Variants in DOCK2 observed in about 807,000 individuals in gnomAD.
DOCK2 encodes dedicator of cytokinesis protein 2.
DOCK2 carries 87 observed loss-of-function variants against 248.9 expected under a neutral mutation model. The ratio of observed to expected loss-of-function variants is 0.35; its 90% CI spans 0.29 to 0.42. DOCK2 has a LOEUF of 0.42. Among genes scored for constraint, DOCK2 ranks in the 10% least tolerant of loss-of-function variants. The pLI, the probability that DOCK2 is intolerant of heterozygous loss-of-function variation, is 1.00. For synonymous variants in DOCK2, 805 were observed against 821.6 expected (o/e 0.98, Z 0.35); for missense variants, 1,747 against 2,300.2 (o/e 0.76, Z 4.92).
chr5:169,878,540 C>G (rs944343992), intron 27 of DOCK2, among the ~76,000 whole-genome samples: 1 of 152,196 alleles, frequency 6.6e-6, no homozygotes, highest in African/African-American at 2.4e-5. Context: ...GAGACCTGCT[C>G]TTTCTTTGCA....
chr5:169,933,885 G>A (rs1041047491), intron 27 of DOCK2, among the ~76,000 whole-genome samples: 1 of 152,190 alleles, frequency 6.6e-6, no homozygotes, highest in Non-Finnish European at 1.5e-5. Context: ...TGCTCCAGGG[G>A]ACATGCAGCA....
intron 27 of DOCK2, among the ~76,000 whole-genome samples, chr5:169,978,137 G>A (rs1316873499): frequency 2.0e-5 from 3 of 151,966 alleles, no homozygotes; most frequent in African/African-American, 4.8e-5. Context: ...CTATAGCAAC[G>A]TGTCACCAGC....
At position 169,702,439 on chromosome 5, in the gene DOCK2, A is replaced by G. The variant is rs182075506; in HGVS notation, c.1383+12A>G. ...GCAAAACGCTGCCTGTAAGGGACTC[A>G]CTGCTGCTCTGGGTGACAGGGTCCG... is the stretch of plus-strand genomic sequence containing the variant. On this transcript the variant is annotated intron_variant, in intron 14 of 51. Coordinates refer to ENST00000520908, the MANE Select transcript of DOCK2 (RefSeq NM_004946.3). 617 of 1,613,256 alleles carry G rather than the reference A, an allele frequency of 3.8e-4. 3 individuals are homozygous for G. In the African/African-American group the frequency reaches 7.0e-3, roughly 18 times the overall value.
At chr5:169,795,250 C>A (rs1028936297) in intron 25 of DOCK2, among the ~76,000 whole-genome samples, 1 of 152,074 alleles carries the variant, frequency 6.6e-6, no homozygotes, top group African/African-American at 2.4e-5. Context: ...GTACATTTTT[C>A]CTTAAGGATT....
chr5:169,922,490 CA>C (rs1775227786), intron 27 of DOCK2, among the ~76,000 whole-genome samples: 1 of 152,210 alleles, frequency 6.6e-6, no homozygotes, highest in Non-Finnish European at 1.5e-5. Flanking sequence ...GGGCTTGATA[CA>C]TTTAATTATC....
At chr5:169,717,245 TTAA>T in intron 20 of DOCK2, 136 bp from the exon 21 acceptor site, 1 of 654,414 alleles carries the variant, frequency 1.5e-6, no homozygotes, top group South Asian at 1.8e-5. Flanking sequence ...AGATGCTACC[TTAA>T]TAAAGAGAAC....
chr5:169,734,880 T>A (rs1445178374), intron 22 of DOCK2, among the ~76,000 whole-genome samples: 1 of 152,202 alleles, frequency 6.6e-6, no homozygotes, highest in Non-Finnish European at 1.5e-5. Flanking sequence ...AATAGAACTT[T>A]AAGGACACGA....
chr5:169,647,992 T>C (rs936546219), intron 1 of DOCK2, among the ~76,000 whole-genome samples: 10 of 152,118 alleles, frequency 6.6e-5, no homozygotes, highest in African/African-American at 1.9e-4. Context: ...CATTTGGGGC[T>C]GGAGGGCTGA....
chr5:169,692,013 G>A (rs908864712), intron 9 of DOCK2, among the ~76,000 whole-genome samples: 15 of 151,710 alleles, frequency 9.9e-5, no homozygotes, highest in African/African-American at 3.2e-4. Context: ...ATGCTACCAC[G>A]CCCCACTAAT....
intron 26 of DOCK2, among the ~76,000 whole-genome samples, chr5:169,822,208 A>T (rs537246584): frequency 1.1e-4 from 16 of 152,336 alleles, no homozygotes; most frequent in African/African-American, 3.8e-4. Flanking sequence ...CGACAGATCC[A>T]CCAGACAGAA....
chr5:170,081,575 G>C (rs1758034158), intron 50 of DOCK2: 4 of 464,098 alleles, frequency 8.6e-6, no homozygotes, highest in Non-Finnish European at 1.5e-5. Flanking sequence ...CTGTTTCCTG[G>C]GGATGTCAGG....
chr5:169,983,932 G>T (rs922974502), intron 28 of DOCK2, among the ~76,000 whole-genome samples: 3 of 152,152 alleles, frequency 2.0e-5, no homozygotes, highest in African/African-American at 7.2e-5. Flanking sequence ...AGTAAGATTG[G>T]CAAGAAATGG....
chr5:169,740,253 G>A (rs1335020928), intron 22 of DOCK2, among the ~76,000 whole-genome samples: 1 of 151,842 alleles, frequency 6.6e-6, no homozygotes, highest in East Asian at 1.9e-4. Context: ...GTTTCAGATG[G>A]ATTGTTTTTC....
chr5:169,900,267 CCTA>C (rs1205924678), intron 27 of DOCK2, among the ~76,000 whole-genome samples: 8 of 152,294 alleles, frequency 5.3e-5, no homozygotes, highest in African/African-American at 1.9e-4. Flanking sequence ...TTTAGACAAC[CCTA>C]ACCTGTTGTC....
At chr5:169,897,583 T>A (rs1773687036) in intron 27 of DOCK2, among the ~76,000 whole-genome samples, 1 of 152,206 alleles carries the variant, frequency 6.6e-6, no homozygotes. Context: ...GAAGTAGGGT[T>A]GCCCTGTAAT....
intron 44 of DOCK2, among the ~76,000 whole-genome samples, chr5:170,063,038 C>T (rs1757382317): frequency 6.6e-6 from 1 of 152,176 alleles, no homozygotes; most frequent in African/African-American, 2.4e-5. Flanking sequence ...ATTGAGTTTC[C>T]CAACTTTTAC....
intron 44 of DOCK2, among the ~76,000 whole-genome samples, chr5:170,066,234 A>T (rs993984566): frequency 6.6e-6 from 1 of 152,162 alleles, no homozygotes; most frequent in Non-Finnish European, 1.5e-5. Flanking sequence ...TTAAAAAGAG[A>T]GTAGGGGCAG....
intron 45 of DOCK2, 123 bp downstream of exon 45, chr5:170,067,809 GACCCTCAGC>G (rs1315122946): frequency 1.8e-6 from 2 of 1,120,578 alleles, no homozygotes; most frequent in African/African-American, 3.1e-5. Context: ...TCCCCAGAGG[GACCCTCAGC>G]TTGGTTGGCC....
In DOCK2 at chr5:169,840,784, A is replaced by C; in HGVS notation, c.2731A>C (p.Ile911Leu). 2 of 1,613,926 alleles carry C rather than the reference A, an allele frequency of 1.2e-6. No homozygotes were observed. The highest frequency in any genetic ancestry group is 1.7e-6 in the Non-Finnish European group (2 of 1,179,930). Residue 911 changes from isoleucine (I) to leucine (L), a missense_variant, in exon 27 of 52, where the codon ATC becomes CTC. By Grantham distance (5) the Ile-to-Leu change is conservative. Around this residue, in one of 4 missense-constraint regions of DOCK2, gnomAD observed 858 missense variants for 1,183.5 expected, o/e 0.72. Transcript: ENST00000520908. The part of the protein sequence containing the change: ...AAFTYHHIQE[I>L]MVQLLRTVNR... Reference sequence around the variant, plus strand: ...CTTCACCTACCACCATATCCAGGAGATCATGGTCCAGCTGCTGCGGACAGT... The same window carrying C: ...CTTCACCTACCACCATATCCAGGAGCTCATGGTCCAGCTGCTGCGGACAGT...
Sources: allele counts gnomAD v4.1 joint callset (sites outside exome capture counted in the v4.1 genomes callset), GRCh38; gene constraint gnomAD v4.1.1; regional missense constraint gnomAD v4.1.1; transcripts MANE v1.5; gene names NCBI Gene and HGNC (gene_info 2026-07-23, HGNC 2026-07-21).